BICC1: variants seen among roughly 807,000 people sequenced by gnomAD.
BICC1 encodes protein bicaudal C homolog 1.
A neutral mutation model predicts 111.0 loss-of-function variants in BICC1; 43 were observed. The observed-to-expected ratio is 0.39, with a 90% CI of 0.30 to 0.50. BICC1 has a LOEUF of 0.50. Among genes scored for constraint, BICC1 ranks in the 20% least tolerant of loss-of-function variants. The pLI, the probability that BICC1 is intolerant of heterozygous loss-of-function variation, is 0.88. For synonymous variants in BICC1, 467 were observed against 434.4 expected (o/e 1.07, Z -0.93); for missense variants, 1,091 against 1,203.2 (o/e 0.91, Z 1.38).
At chr10:58,735,384 G>A (rs1589079483) in intron 3 of BICC1, among the ~76,000 whole-genome samples, 1 of 152,236 alleles carries the variant, frequency 6.6e-6, no homozygotes, top group Middle Eastern at 3.4e-3. Context: ...AAAGCCCTTC[G>A]ATGCCAGCCA....
At chr10:58,739,860 T>C (rs981858654) in intron 3 of BICC1, among the ~76,000 whole-genome samples, 2 of 152,200 alleles carry the variant, frequency 1.3e-5, no homozygotes, top group African/African-American at 4.8e-5. Flanking sequence ...ATGGCTTATA[T>C]CTCCACTGGT....
At chr10:58,513,528 A>G (rs1213824423) in intron 1 of BICC1, among the ~76,000 whole-genome samples, 195 bp downstream of exon 1, 1 of 152,146 alleles carries the variant, frequency 6.6e-6, no homozygotes, top group African/African-American at 2.4e-5. Context: ...CACGCCTCTC[A>G]GATTTCCAGG....
At chr10:58,594,119 G>T (rs1844728820) in intron 1 of BICC1, among the ~76,000 whole-genome samples, 1 of 151,692 alleles carries the variant, frequency 6.6e-6, no homozygotes, top group South Asian at 2.1e-4. Context: ...CAGAAGAAAG[G>T]ATATCAGTGA....
At chr10:58,674,241 T>C (rs1839270973) in intron 2 of BICC1, among the ~76,000 whole-genome samples, 1 of 119,874 alleles carries the variant, frequency 8.3e-6, no homozygotes, top group South Asian at 3.4e-4. Context: ...GACCACTCTT[T>C]ATTATTTCCC....
intron 1 of BICC1, among the ~76,000 whole-genome samples, chr10:58,539,823 A>G (rs1381612609): frequency 6.6e-6 from 1 of 151,944 alleles, no homozygotes; most frequent in East Asian, 1.9e-4. Flanking sequence ...CCAAAACAGC[A>G]GAATAGATAG....
chr10:58,561,003 G>A (rs1478665726), intron 1 of BICC1, among the ~76,000 whole-genome samples: 1 of 152,002 alleles, frequency 6.6e-6, no homozygotes, highest in Non-Finnish European at 1.5e-5. Context: ...TGTGTATACA[G>A]TAGCTGTTGG....
intron 1 of BICC1, among the ~76,000 whole-genome samples, chr10:58,595,554 A>T (rs192621512): frequency 6.6e-6 from 1 of 152,220 alleles, no homozygotes; most frequent in Non-Finnish European, 1.5e-5. Flanking sequence ...ACTCAGGATT[A>T]AAAAACTCAC....
At chr10:58,821,536 C>A (rs1260319830) in intron 20 of BICC1, among the ~76,000 whole-genome samples, 1 of 152,122 alleles carries the variant, frequency 6.6e-6, no homozygotes, top group Non-Finnish European at 1.5e-5. Flanking sequence ...GAAGCAGATA[C>A]AGGCAAAGCA....
chr10:58,543,257 C>A (rs1843044303), intron 1 of BICC1, among the ~76,000 whole-genome samples: 1 of 151,988 alleles, frequency 6.6e-6, no homozygotes, highest in African/African-American at 2.4e-5. Context: ...CTTAAATAAA[C>A]CAGTCACAGA....
At chr10:58,598,033 C>G (rs192640394) in intron 1 of BICC1, among the ~76,000 whole-genome samples, 20 of 152,230 alleles carry the variant, frequency 1.3e-4, no homozygotes, top group African/African-American at 4.8e-4. Context: ...AGATTAAAGA[C>G]AGCCATAAGA....
At chr10:58,617,540 G>A (rs1213938822) in intron 1 of BICC1, among the ~76,000 whole-genome samples, 2 of 152,226 alleles carry the variant, frequency 1.3e-5, no homozygotes, top group Admixed American at 6.5e-5. Context: ...TCTAGCTGGG[G>A]TGCTGCTATT....
intron 2 of BICC1, among the ~76,000 whole-genome samples, chr10:58,691,470 G>A (rs765164276): frequency 9.9e-5 from 15 of 152,128 alleles, no homozygotes; most frequent in Non-Finnish European, 1.5e-4. Context: ...ATTATAGGCC[G>A]TCATAAATAA....
chr10:58,696,650 C>G (rs1840073466), intron 2 of BICC1, among the ~76,000 whole-genome samples: 1 of 152,286 alleles, frequency 6.6e-6, no homozygotes, highest in Non-Finnish European at 1.5e-5. Context: ...GGAACCCTAA[C>G]AGAGATTGGT....
chr10:58,580,047 A>G (rs1393568023), intron 1 of BICC1, among the ~76,000 whole-genome samples: 8 of 147,106 alleles, frequency 5.4e-5, no homozygotes, highest in African/African-American at 1.0e-4. Flanking sequence ...TTTTTTCCAG[A>G]CAGAATCTTG....
At chr10:58,602,986 G>A (rs1216807945) in intron 1 of BICC1, among the ~76,000 whole-genome samples, 1 of 152,046 alleles carries the variant, frequency 6.6e-6, no homozygotes, top group Non-Finnish European at 1.5e-5. Flanking sequence ...AGCACTTCAG[G>A]CCTCTTTTAA....
At chr10:58,678,773 C>CA (rs1839424544) in intron 2 of BICC1, among the ~76,000 whole-genome samples, 1 of 152,058 alleles carries the variant, frequency 6.6e-6, no homozygotes, top group African/African-American at 2.4e-5. Context: ...TAAAACTGAC[C>CA]ACATAATTGG....
intron 3 of BICC1, among the ~76,000 whole-genome samples, chr10:58,768,292 G>A (rs1842514708): frequency 6.6e-6 from 1 of 152,182 alleles, no homozygotes; most frequent in South Asian, 2.1e-4. Context: ...TCACGAAGGA[G>A]TGGGATGATA....
chr10:58,702,996 G>GT (rs1266964682), intron 3 of BICC1, among the ~76,000 whole-genome samples: 3 of 152,080 alleles, frequency 2.0e-5, no homozygotes, highest in Admixed American at 6.5e-5. Context: ...TGATAACACT[G>GT]TAAGATTTCT....
chr10:58,708,858 CTA>C (rs1449902718), intron 3 of BICC1, among the ~76,000 whole-genome samples: 2 of 152,262 alleles, frequency 1.3e-5, no homozygotes, highest in Admixed American at 1.3e-4. Flanking sequence ...GCTTGCTTGT[CTA>C]TGTTTGCAGC....
Sources: gnomAD v4.1 joint callset for allele counts (sites outside exome capture counted in the v4.1 genomes callset) on GRCh38, gnomAD v4.1.1 for gene constraint, MANE v1.5 for transcripts, NCBI Gene and HGNC (gene_info 2026-07-23, HGNC 2026-07-21) for gene names.